Variants in ERBIN observed in about 807,000 individuals in gnomAD.
The protein encoded by ERBIN is erbb2 interacting protein, also known as densin-180-like protein.
Under a neutral mutation model 158.4 loss-of-function variants are expected in ERBIN, and 60 were observed. That is an observed-to-expected ratio of 0.38 (90% confidence interval 0.31 to 0.47). The LOEUF (loss-of-function observed/expected upper bound fraction) is 0.47. Ranked by LOEUF, ERBIN falls within the 20% of genes least tolerant of loss-of-function variation. The pLI is 0.99. For missense variants in ERBIN, 1,610 were observed against 1,648.0 expected (o/e 0.98, Z 0.40); for synonymous variants, 594 against 557.2 (o/e 1.07, Z -0.93).
intron 21 of ERBIN, among the ~76,000 whole-genome samples, chr5:66,067,685 T>C (rs1385423978): frequency 6.6e-6 from 1 of 152,160 alleles, no homozygotes; most frequent in East Asian, 1.9e-4. Context: ...TTAATACCAG[T>C]TTATTTGAAT....
intron 1 of ERBIN, among the ~76,000 whole-genome samples, chr5:65,974,194 G>A (rs1437793766): frequency 2.6e-5 from 4 of 152,036 alleles, no homozygotes; most frequent in African/African-American, 9.7e-5. Flanking sequence ...ATGTATATAA[G>A]TGTTTTCTCA....
At chr5:66,056,233 G>C (rs1005307539) in intron 21 of ERBIN, among the ~76,000 whole-genome samples, 1 of 152,168 alleles carries the variant, frequency 6.6e-6, no homozygotes, top group Non-Finnish European at 1.5e-5. Flanking sequence ...GAGTTCAAGA[G>C]AGAGCTCTGA....
At chr5:66,056,872 G>C (rs1759636566) in intron 21 of ERBIN, among the ~76,000 whole-genome samples, 1 of 152,118 alleles carries the variant, frequency 6.6e-6, no homozygotes, top group African/African-American at 2.4e-5. Flanking sequence ...CAGTTGGGAA[G>C]CATTTCTAGC....
chr5:65,963,924 C>T (rs1221199288), intron 1 of ERBIN, among the ~76,000 whole-genome samples: 1 of 151,760 alleles, frequency 6.6e-6, no homozygotes, highest in African/African-American at 2.4e-5. Context: ...CTCAGCTTCC[C>T]GAGTAGCTGG....
chr5:66,075,667 ATAGT>A (rs1761918819), intron 23 of ERBIN, among the ~76,000 whole-genome samples: 1 of 152,172 alleles, frequency 6.6e-6, no homozygotes, highest in Non-Finnish European at 1.5e-5. Context: ...TTATATCTTG[ATAGT>A]TATTAATAAA....
chr5:65,944,804 G>T (rs905436968), intron 1 of ERBIN, among the ~76,000 whole-genome samples: 2 of 152,094 alleles, frequency 1.3e-5, no homozygotes, highest in African/African-American at 4.8e-5. Context: ...GACTATTCAA[G>T]TTCTTTGTTT....
Position 66,054,312 on chromosome 5 carries a change from C to G in ERBIN, c.2994C>G (p.Pro998=), listed in dbSNP as rs147655819. ...CTTTGTGGCACTCCAAACAAAATCC[C>G]CAAATAGACCATGCCAGTTTTCCTC... The part of the protein sequence containing the change: ...KDTLWHSKQN[P]QIDHASFPPQ... Residue 998 remains proline, a synonymous_variant, in exon 21 of 26, where the codon CCC becomes CCG. Coordinates refer to ENST00000284037, the MANE Select transcript of ERBIN (RefSeq NM_001253697.2). The G allele has an allele frequency of 6.9e-4, 1,112 of 1,614,116 alleles. 2 individuals are homozygous for G. Among genetic ancestry groups the G allele is most frequent in the Non-Finnish European group, 6.8e-4 (800 of 1,180,012 alleles).
intron 18 of ERBIN, among the ~76,000 whole-genome samples, chr5:66,047,519 T>C (rs1177922226): frequency 6.6e-6 from 1 of 152,028 alleles, no homozygotes; most frequent in Non-Finnish European, 1.5e-5. Flanking sequence ...ACACTGCTAG[T>C]GGTAATGTAA....
chr5:66,077,684 C>T (rs1762112771), intron 25 of ERBIN, among the ~76,000 whole-genome samples: 1 of 151,732 alleles, frequency 6.6e-6, no homozygotes, highest in Admixed American at 6.6e-5. Context: ...AATTGGTCAC[C>T]AGTCGTTCAT....
intron 1 of ERBIN, among the ~76,000 whole-genome samples, chr5:65,968,752 G>T (rs576973709): frequency 6.6e-6 from 1 of 152,178 alleles, no homozygotes; most frequent in Admixed American, 6.5e-5. Context: ...GTAGAGACAG[G>T]GTTCCCTGTG....
intron 14 of ERBIN, among the ~76,000 whole-genome samples, chr5:66,032,959 C>G (rs1318111898): frequency 6.6e-6 from 1 of 152,150 alleles, no homozygotes; most frequent in African/African-American, 2.4e-5. Context: ...TGGGAAGATG[C>G]TAAGTTCTAG....
chr5:66,010,715 T>C (rs1404408225), intron 4 of ERBIN, among the ~76,000 whole-genome samples: 1 of 152,204 alleles, frequency 6.6e-6, no homozygotes, highest in Non-Finnish European at 1.5e-5. Flanking sequence ...GACAATCCTG[T>C]TAATCATATC....
chr5:66,066,264 T>G (rs1232528002), intron 21 of ERBIN, among the ~76,000 whole-genome samples: 1 of 152,112 alleles, frequency 6.6e-6, no homozygotes, highest in Non-Finnish European at 1.5e-5. Flanking sequence ...CAAACTTCAT[T>G]GATTCAAAGT....
chr5:65,972,892 C>T lies in ERBIN; in HGVS notation c.-57-15743C>T, dbSNP rs370656177. On this transcript the variant is annotated intron_variant, in intron 1 of 25. Transcript: ENST00000284037. ...AATCATTCCCAGCCTAAATTAACCC[C>T]AAGGAAAATGAGAACTTCAACCTGA... Among the ~76,000 whole-genome samples the T allele has an allele frequency of 2.6e-4, 39 of 151,394 alleles. 1 individual carries two copies. The highest frequency in any genetic ancestry group is 9.1e-4 in the African/African-American group (37 of 40,700).
intron 7 of ERBIN, among the ~76,000 whole-genome samples, chr5:66,017,513 A>G (rs1413208357): frequency 3.6e-5 from 4 of 110,062 alleles, no homozygotes; most frequent in Non-Finnish European, 5.6e-5. Context: ...GCATTTTACA[A>G]TAGAATTTTT....
intron 16 of ERBIN, 65 bp downstream of exon 16, chr5:66,043,263 T>TA: frequency 6.7e-7 from 1 of 1,486,388 alleles, no homozygotes; most frequent in South Asian, 1.2e-5. Flanking sequence ...TGGTATTATA[T>TA]ATACTATGAT....
chr5:66,058,632 T>A (rs1376391863), intron 21 of ERBIN, among the ~76,000 whole-genome samples: 4 of 149,970 alleles, frequency 2.7e-5, no homozygotes, highest in South Asian at 2.1e-4. Context: ...CTGAATGGTA[T>A]TGCCTAGGTT....
At chr5:66,008,128 A>G (rs536684574) in intron 4 of ERBIN, among the ~76,000 whole-genome samples, 2 of 152,334 alleles carry the variant, frequency 1.3e-5, no homozygotes, top group Non-Finnish European at 1.5e-5. Context: ...AAAAGTATGA[A>G]GTATTCAGGG....
chr5:66,013,298 G>A (rs1200875987), intron 5 of ERBIN, among the ~76,000 whole-genome samples: 1 of 152,082 alleles, frequency 6.6e-6, no homozygotes, highest in Non-Finnish European at 1.5e-5. Flanking sequence ...ATAGTTGACT[G>A]TTTTGTTCAT....
Sources: allele counts gnomAD v4.1 joint callset (sites outside exome capture counted in the v4.1 genomes callset), GRCh38; gene constraint gnomAD v4.1.1; transcripts MANE v1.5; gene names NCBI Gene and HGNC (gene_info 2026-07-23, HGNC 2026-07-21).